Variants in USP40 observed in about 807,000 individuals in gnomAD.
USP40 encodes ubiquitin specific peptidase 40.
USP40 carries 143 observed loss-of-function variants against 166.2 expected under a neutral mutation model. The ratio of observed to expected loss-of-function variants is 0.86; its 90% CI spans 0.75 to 0.99. USP40 has a LOEUF of 0.99. Among genes scored for constraint, USP40 ranks in the 50% least tolerant of loss-of-function variants. The pLI is 0.00. For synonymous variants in USP40, 498 were observed against 524.0 expected (o/e 0.95, Z 0.68); for missense variants, 1,444 against 1,479.7 (o/e 0.98, Z 0.40).
intron 28 of USP40, chr2:233,487,663 G>A (rs989760100): frequency 2.0e-5 from 4 of 199,970 alleles, no homozygotes; most frequent in East Asian, 1.4e-4. Flanking sequence ...TTCCTACAGC[G>A]AAAAAAGAAC....
chr2:233,499,993 C>G (rs907023305), intron 21 of USP40, 78 bp from the exon 22 acceptor site: 1 of 1,250,830 alleles, frequency 8.0e-7, no homozygotes, highest in Non-Finnish European at 1.1e-6. Context: ...TTTTTGGACC[C>G]TAGGCCTATT....
chr2:233,559,828 CA>C lies in USP40; in HGVS notation c.363del (p.Phe121LeufsTer9), dbSNP rs1263369145. On this transcript the variant is annotated frameshift_variant, in exon 4 of 32. Transcript: ENST00000678225. LOFTEE classifies it high-confidence loss of function. ...CCTCGTACCTCATTACTGGTCCACC[CA>C]AAGCTGTCAGTGAGGTCTGCTGTGG... ...AASTADLTDS[F>X]GWTSNEEMRQ... The C allele has an allele frequency of 5.0e-6, 8 of 1,608,620 alleles. No individual in the cohort carries two copies. The highest frequency in any genetic ancestry group is 5.1e-6 in the Non-Finnish European group (6 of 1,177,718).
At chr2:233,504,867 T>C (rs2066312515) in intron 21 of USP40, among the ~76,000 whole-genome samples, 1 of 151,978 alleles carries the variant, frequency 6.6e-6, no homozygotes, top group South Asian at 2.1e-4. Context: ...AGCTAACAGA[T>C]ATTTATAGAA....
intron 26 of USP40, 39 bp downstream of exon 26, chr2:233,491,128 C>A (rs2065308418): frequency 7.3e-7 from 1 of 1,374,814 alleles, no homozygotes; most frequent in Admixed American, 1.9e-5. Flanking sequence ...TGGAAGAAGC[C>A]ACATTACCAC....
intron 21 of USP40, among the ~76,000 whole-genome samples, chr2:233,506,027 C>A (rs1227990739): frequency 1.3e-5 from 2 of 152,044 alleles, no homozygotes; most frequent in Non-Finnish European, 2.9e-5. Context: ...CACAAAAAAA[C>A]CCAAATAGTC....
intron 9 of USP40, among the ~76,000 whole-genome samples, chr2:233,541,915 C>T (rs1489181568): frequency 6.6e-6 from 1 of 152,124 alleles, no homozygotes; most frequent in South Asian, 2.1e-4. Flanking sequence ...AAAGTCATAA[C>T]CCAATTCCAA....
At chr2:233,534,856 C>T (rs1328361177) in intron 10 of USP40, among the ~76,000 whole-genome samples, 2 of 152,150 alleles carry the variant, frequency 1.3e-5, no homozygotes, top group Non-Finnish European at 2.9e-5. Flanking sequence ...AAGCCTCAAA[C>T]ATCAGTGCAG....
chr2:233,561,211 A>C, intron 3 of USP40: 1 of 1,565,816 alleles, frequency 6.4e-7, no homozygotes, highest in Non-Finnish European at 8.7e-7. Flanking sequence ...CTTCTGGGCC[A>C]AGAGAAAATA....
chr2:233,525,576 A>T lies in USP40; in HGVS notation c.1726-14T>A. 1 of 1,597,758 alleles carries T rather than the reference A, an allele frequency of 6.3e-7. No homozygotes were observed. The highest frequency in any genetic ancestry group is 8.6e-7 in the Non-Finnish European group (1 of 1,165,768). ...AAATTCTAACAGCTGAAGAATATTA[A>T]TGAAGGAAAAGAGAATGTTGAAAAG... On this transcript the variant is annotated splice_polypyrimidine_tract_variant and intron_variant, in intron 13 of 31. Coordinates refer to ENST00000678225, the MANE Select transcript of USP40 (RefSeq NM_001365479.2).
At chr2:233,559,661 C>T (rs1290196646) in intron 4 of USP40, 150 bp downstream of exon 4, 2 of 510,530 alleles carry the variant, frequency 3.9e-6, no homozygotes, top group Non-Finnish European at 6.7e-6. Flanking sequence ...ATATATATTT[C>T]TGGCTTGTAA....
At chr2:233,511,837 C>G (rs1250218584) in intron 19 of USP40, 40 bp from the exon 20 acceptor site, 10 of 1,439,438 alleles carry the variant, frequency 6.9e-6, no homozygotes, top group African/African-American at 1.4e-5. Flanking sequence ...GTTATTAATT[C>G]CTAGCTCTCT....
At position 233,542,422 on chromosome 2, in the gene USP40, G is replaced by C. The variant is rs143160383; in HGVS notation, c.967-59C>G. The C allele has an allele frequency of 2.8e-5, 30 of 1,061,632 alleles. No individual in the cohort carries two copies. In the African/African-American group the frequency reaches 4.8e-4, roughly 17 times the overall value. The allele number at this position is 1,061,632 out of a possible 1,614,324, so 65.8% of individuals were successfully genotyped here. On this transcript the variant is annotated intron_variant, in intron 8 of 31. Coordinates refer to ENST00000678225, the MANE Select transcript of USP40 (RefSeq NM_001365479.2). ...AACCCCTTAAAAAGTAACAAAATAG[G>C]AATGTTGGCCAGGCACAGTAGCTCA... is the stretch of plus-strand genomic sequence containing the variant.
chr2:233,489,421 C>T lies in USP40; in HGVS notation c.3075G>A (p.Trp1025Ter), dbSNP rs1210054316. 7.5e-6 allele frequency: 12 copies of T among 1,606,752 alleles called. No homozygotes were observed. The highest frequency in any genetic ancestry group is 1.0e-5 in the Non-Finnish European group (12 of 1,176,900). Residue 1025 changes from tryptophan to a stop codon, truncating the protein, a stop_gained, in exon 27 of 32, where the codon TGG (tryptophan) becomes TGA (stop). Transcript: ENST00000678225. LOFTEE classifies it high-confidence loss of function. ...GVPSPAHLRA[W>*]TVERKRPGRL... Reference sequence around the variant, plus strand: ...TGCCTGGGCGCTTCCTCTCCACCGTCCAGGCTCTGAGGTGGGCTGGGGACG... The same window carrying T: ...TGCCTGGGCGCTTCCTCTCCACCGTTCAGGCTCTGAGGTGGGCTGGGGACG...
chr2:233,533,900 T>C, intron 10 of USP40, 121 bp from the exon 11 acceptor site: 1 of 1,067,436 alleles, frequency 9.4e-7, no homozygotes, highest in Non-Finnish European at 1.3e-6. Context: ...ATTTCTGACC[T>C]GGCCAGCTAC....
Position 233,477,105 on chromosome 2 carries a change from A to T in USP40, c.*287T>A. 1 of 429,088 alleles carries T rather than the reference A, an allele frequency of 2.3e-6. No individual in the cohort carries two copies. 26.6% of individuals were successfully genotyped at this position (429,088 alleles called of 1,614,324 possible). ...ACACGTTGTGCATTTTCTGGTTAAA[A>T]GAAAAAAAAAGGCAGCTGGGGCCGG... On this transcript the variant is annotated 3_prime_UTR_variant, in exon 32 of 32. Transcript: ENST00000678225.
At chr2:233,535,565 C>G (rs1295852339) in intron 10 of USP40, among the ~76,000 whole-genome samples, 3 of 152,168 alleles carry the variant, frequency 2.0e-5, no homozygotes, top group African/African-American at 7.2e-5. Flanking sequence ...TTCCCTGGAA[C>G]TAAAGCCAAA....
Position 233,565,694 on chromosome 2 carries a change from T to C in USP40, c.-19-121A>G, listed in dbSNP as rs188225648. 1.0e-3 allele frequency: 923 copies of C among 889,526 alleles called. 6 individuals are homozygous for C. The African/African-American group carries it at 0.014, about 14-fold the overall frequency. 55.1% of individuals were successfully genotyped at this position (889,526 alleles called of 1,614,324 possible). Reference sequence around the variant, plus strand: ...AGAACACAGGACTACTGTTTCTATGTACAGTAGTTGGGTTTTGGAGGCAGC... The same window carrying C: ...AGAACACAGGACTACTGTTTCTATGCACAGTAGTTGGGTTTTGGAGGCAGC... On this transcript the variant is annotated intron_variant, in intron 1 of 31. Transcript: ENST00000678225.
In USP40 at chr2:233,488,256, C is replaced by T; in HGVS notation, c.3180G>A (p.Gln1060=). ...TTTCTTACCCCAAGTTTTCGCCTTTCTGAAGGGGCTCTAAGCAGATCTCAA... is the reference window on the plus strand; with the variant it reads ...TTTCTTACCCCAAGTTTTCGCCTTTTTGAAGGGGCTCTAAGCAGATCTCAA... ...RRIEICLEPL[Q]KGENLGPQDV... is the part of the protein sequence containing the mutation. The change falls in exon 28 of 32, where the codon CAG becomes CAA. Residue 1060 remains glutamine, a synonymous_variant. Transcript: ENST00000678225. The T allele has an allele frequency of 6.2e-7, 1 of 1,604,254 alleles. No homozygotes were observed. Among genetic ancestry groups the T allele is most frequent in the East Asian group, 2.2e-5 (1 of 44,778 alleles).
At position 233,523,339 on chromosome 2, in the gene USP40, G is replaced by A. The variant is rs763696607; in HGVS notation, c.2032C>T (p.Leu678Phe). ...CCTGCTGGGATTGCTAAGGCTGTGA[G>A]GACAGTGCCCACTTCTGCATTAGCT... Reference protein sequence around the residue: ...FPANAEVGTVLTALAIPAGVI... With the variant: ...FPANAEVGTVFTALAIPAGVI... Residue 678 changes from leucine (L) to phenylalanine (F), a missense_variant, in exon 16 of 32, where the codon CTC becomes TTC. Transcript: ENST00000678225. The A allele has an allele frequency of 1.2e-6, 2 of 1,614,018 alleles. No individual in the cohort carries two copies. Among genetic ancestry groups the A allele is most frequent in the Non-Finnish European group, 8.5e-7 (1 of 1,179,900 alleles).
Sources: gnomAD v4.1 joint callset for allele counts (sites outside exome capture counted in the v4.1 genomes callset) on GRCh38, gnomAD v4.1.1 for gene constraint, MANE v1.5 for transcripts, NCBI Gene and HGNC (gene_info 2026-07-23, HGNC 2026-07-21) for gene names.